The following SYN3 variants were observed in gnomAD, a reference collection of about 807,000 sequenced individuals.
SYN3 encodes synapsin-3.
Under a neutral mutation model 65.8 loss-of-function variants are expected in SYN3, and 35 were observed. The ratio of observed to expected loss-of-function variants is 0.53; its 90% CI spans 0.41 to 0.70. SYN3 has a LOEUF of 0.70. Ranked by LOEUF, SYN3 falls within the 30% of genes least tolerant of loss-of-function variation. SYN3 has a pLI of 0.00. For missense variants in SYN3, 680 were observed against 749.0 expected, an observed-to-expected ratio of 0.91 and a Z score of 1.08; for synonymous variants, 270 against 292.9, an observed-to-expected ratio of 0.92 and a Z score of 0.80.
chr22:32,537,582 T>C (rs555761637), intron 9 of SYN3, among the ~76,000 whole-genome samples: 4 of 152,298 alleles, frequency 2.6e-5, no homozygotes, highest in East Asian at 3.9e-4. Context: ...CCTATTCATA[T>C]TGAGATGGAA....
intron 6 of SYN3, among the ~76,000 whole-genome samples, chr22:32,751,825 A>G (rs1602058480): frequency 6.6e-6 from 1 of 152,204 alleles, no homozygotes; most frequent in East Asian, 1.9e-4. Flanking sequence ...GTGATGGTTT[A>G]CACTCAGACT....
At chr22:32,956,798 A>T (rs542939695) in intron 3 of SYN3, among the ~76,000 whole-genome samples, 8 of 152,218 alleles carry the variant, frequency 5.3e-5, no homozygotes, top group Admixed American at 1.3e-4. Context: ...AAATTCCCAG[A>T]AGTAGAATTG....
chr22:33,034,185 TA>T (rs200574766), intron 1 of SYN3, among the ~76,000 whole-genome samples: 5 of 136,442 alleles, frequency 3.7e-5, no homozygotes, highest in East Asian at 5.6e-4. Flanking sequence ...GACTCTGTGT[TA>T]AAAAAAAACA....
At chr22:32,884,348 T>G (rs1002622956) in intron 4 of SYN3, among the ~76,000 whole-genome samples, 3 of 152,186 alleles carry the variant, frequency 2.0e-5, no homozygotes, top group Non-Finnish European at 2.9e-5. Flanking sequence ...GTTCTACCAC[T>G]AAACAACTGT....
chr22:32,862,654 C>A (rs912487821), intron 6 of SYN3: 9 of 152,304 alleles, frequency 5.9e-5, no homozygotes, highest in African/African-American at 2.2e-4. Flanking sequence ...ATGGCAAAAG[C>A]AAAACAAAAT....
intron 1 of SYN3, among the ~76,000 whole-genome samples, chr22:33,027,697 GAA>G (rs1169469021): frequency 1.3e-5 from 2 of 152,086 alleles, no homozygotes; most frequent in Non-Finnish European, 1.5e-5. Context: ...GAGAAAGAAA[GAA>G]AGAGAGAGAG....
At chr22:32,953,758 C>A (rs994070879) in intron 3 of SYN3, among the ~76,000 whole-genome samples, 7 of 152,060 alleles carry the variant, frequency 4.6e-5, no homozygotes, top group African/African-American at 1.7e-4. Context: ...TCTTTACTAT[C>A]CTTATCACCA....
chr22:32,985,123 C>T (rs2052485022), intron 2 of SYN3, among the ~76,000 whole-genome samples: 1 of 152,186 alleles, frequency 6.6e-6, no homozygotes, highest in Non-Finnish European at 1.5e-5. Flanking sequence ...GTTTCCACAC[C>T]TAGGAAATGA....
At chr22:32,720,512 C>G (rs2061101780) in intron 6 of SYN3, among the ~76,000 whole-genome samples, 1 of 152,210 alleles carries the variant, frequency 6.6e-6, no homozygotes, top group East Asian at 1.9e-4. Context: ...ATTGCCTCAG[C>G]CTGCCTTGCC....
At chr22:32,978,710 T>C (rs1164334770) in intron 3 of SYN3, among the ~76,000 whole-genome samples, 1 of 152,230 alleles carries the variant, frequency 6.6e-6, no homozygotes, top group African/African-American at 2.4e-5. Context: ...CCAGCTTCAC[T>C]GCATTCTTAC....
intron 3 of SYN3, among the ~76,000 whole-genome samples, chr22:32,945,061 A>T (rs1454720457): frequency 6.6e-6 from 1 of 152,212 alleles, no homozygotes; most frequent in Non-Finnish European, 1.5e-5. Flanking sequence ...CAAATGGAAG[A>T]ACATTCCATG....
chr22:32,923,800 G>T (rs2050397354), intron 4 of SYN3, among the ~76,000 whole-genome samples: 1 of 152,180 alleles, frequency 6.6e-6, no homozygotes, highest in African/African-American at 2.4e-5. Flanking sequence ...CAGATACAAA[G>T]CCTAGTACTC....
At chr22:32,661,378 C>T (rs1162538377) in intron 6 of SYN3, among the ~76,000 whole-genome samples, 1 of 152,270 alleles carries the variant, frequency 6.6e-6, no homozygotes, top group Admixed American at 6.5e-5. Flanking sequence ...AAGTGGAGAG[C>T]CCCTCTTGAA....
chr22:32,606,570 C>T (rs2059375036), intron 6 of SYN3, among the ~76,000 whole-genome samples: 1 of 152,140 alleles, frequency 6.6e-6, no homozygotes, highest in South Asian at 2.1e-4. Flanking sequence ...TAAGACAAAA[C>T]TTCACGGCTT....
intron 6 of SYN3, chr22:32,857,166 A>G (rs964041371): frequency 3.8e-6 from 4 of 1,043,490 alleles, no homozygotes; most frequent in Non-Finnish European, 6.0e-6. Context: ...TTTCCTTTGG[A>G]TACATACCCA....
rs1036560936 is a variant in SYN3, at chr22:32,602,057, T to C, written c.712-5321A>G. On this transcript the variant is annotated intron_variant, in intron 6 of 13. Transcript: ENST00000358763. Reference sequence around the variant, plus strand: ...TTGTCTAACCAAATCAGTGTTTGCATTGGTCCACATTACCTTATAATTTTT... The same window carrying C: ...TTGTCTAACCAAATCAGTGTTTGCACTGGTCCACATTACCTTATAATTTTT... 5.9e-5 allele frequency among the ~76,000 whole-genome samples: 9 copies of C among 152,148 alleles called. 1 individual carries two copies. Among genetic ancestry groups the C allele is most frequent in the South Asian group, 4.1e-4 (2 of 4,826 alleles).
At chr22:33,049,147 C>T (rs1250131532) in intron 1 of SYN3, among the ~76,000 whole-genome samples, 3 of 152,152 alleles carry the variant, frequency 2.0e-5, no homozygotes, top group African/African-American at 7.2e-5. Context: ...GGGTTTAGAG[C>T]CTAAAAAATG....
At position 33,006,311 on chromosome 22, in the gene SYN3, C is replaced by CT. The variant is rs777732348; in HGVS notation, c.311+40dup. ...GAGATGAGATAATCCCCACTCCTCT[C>CT]TTGCCCCAGAAGGTGGTAGCACTTG... is the stretch of plus-strand genomic sequence containing the variant. On this transcript the variant is annotated intron_variant, in intron 2 of 13. Coordinates refer to ENST00000358763, the MANE Select transcript of SYN3 (RefSeq NM_003490.4). 205 of 1,551,482 alleles carry CT rather than the reference C, an allele frequency of 1.3e-4. 1 individual carries two copies. In the South Asian group the frequency reaches 1.8e-3, roughly 14 times the overall value.
chr22:32,878,493 G>T (rs2146399965), intron 4 of SYN3, among the ~76,000 whole-genome samples: 1 of 152,124 alleles, frequency 6.6e-6, no homozygotes, highest in Middle Eastern at 3.4e-3. Flanking sequence ...CCTCTCTGTA[G>T]CCCCAGCCTA....
Sources: allele counts gnomAD v4.1 joint callset (sites outside exome capture counted in the v4.1 genomes callset), GRCh38; gene constraint gnomAD v4.1.1; transcripts MANE v1.5; gene names NCBI Gene and HGNC (gene_info 2026-07-23, HGNC 2026-07-21).